PCDH7: variants seen among roughly 807,000 people sequenced by gnomAD.
PCDH7 encodes the protein protocadherin 7.
A neutral mutation model predicts 58.9 loss-of-function variants in PCDH7; 17 were observed. The observed-to-expected ratio is 0.29, with a 90% CI of 0.20 to 0.43. The LOEUF is 0.43. Among genes scored for constraint, PCDH7 ranks in the 20% least tolerant of loss-of-function variants. The probability of loss-of-function intolerance (pLI) is 1.00; values close to 1 mark genes in which losing one functional copy is unlikely to be tolerated. For synonymous variants in PCDH7, 664 were observed against 616.4 expected (o/e 1.08, Z -1.14); for missense variants, 1,274 against 1,441.0 (o/e 0.88, Z 1.88).
At chr4:31,129,122 G>A (rs978422485) in intron 3 of PCDH7, among the ~76,000 whole-genome samples, 6 of 152,156 alleles carry the variant, frequency 3.9e-5, no homozygotes, top group Admixed American at 2.6e-4. Flanking sequence ...CATGGGACTG[G>A]AATGGTCCTA....
chr4:30,975,772 ACT>A (rs1750014171), intron 3 of PCDH7, among the ~76,000 whole-genome samples: 1 of 152,096 alleles, frequency 6.6e-6, no homozygotes, highest in South Asian at 2.1e-4. Flanking sequence ...ATCAATACTT[ACT>A]CTCTATGAAT....
At position 30,731,038 on chromosome 4, in the gene PCDH7, AT is replaced by A. The variant is rs1190795424; in HGVS notation, c.*252del. On this transcript the variant is annotated 3_prime_UTR_variant, in exon 2 of 2. Coordinates refer to ENST00000361762, the Ensembl canonical transcript of PCDH7. ...GGATGTCTGAGTCACCAGAAATTCC[AT>A]TCTTAAAGAGGCGGTTAGCACCTAT... 4.9e-4 allele frequency: 586 copies of A among 1,198,724 alleles called. No homozygotes were observed. The Middle Eastern group carries it at 6.4e-3, about 13-fold the overall frequency. 74.3% of individuals were successfully genotyped at this position (1,198,724 alleles called of 1,614,324 possible). A position where few individuals can be genotyped will look rare whatever the true frequency, so the allele number is the denominator to read the frequency against.
chr4:31,107,982 A>T (rs1328853780), intron 3 of PCDH7, among the ~76,000 whole-genome samples: 1 of 152,182 alleles, frequency 6.6e-6, no homozygotes, highest in Non-Finnish European at 1.5e-5. Context: ...TAGTAACAAA[A>T]TGAACCAACA....
chr4:31,040,783 AT>A (rs1455499428), intron 3 of PCDH7, among the ~76,000 whole-genome samples: 2 of 152,182 alleles, frequency 1.3e-5, no homozygotes, highest in Non-Finnish European at 2.9e-5. Context: ...ATTTTCCCAG[AT>A]AAATCCCCTC....
At chr4:31,036,178 A>G (rs1308930188) in intron 3 of PCDH7, among the ~76,000 whole-genome samples, 1 of 152,072 alleles carries the variant, frequency 6.6e-6, no homozygotes, top group Non-Finnish European at 1.5e-5. Context: ...GAAACTGAGA[A>G]ATTGTAGTTC....
chr4:30,981,546 A>G (rs1750569464), intron 3 of PCDH7, among the ~76,000 whole-genome samples: 2 of 152,200 alleles, frequency 1.3e-5, no homozygotes, highest in Admixed American at 1.3e-4. Flanking sequence ...GTTGAAGCAA[A>G]TATTTTATTA....
downstream of PCDH7, among the ~76,000 whole-genome samples, chr4:30,734,178 T>C (rs1200862883): frequency 6.6e-6 from 1 of 152,134 alleles, no homozygotes. Flanking sequence ...AACACTTTCT[T>C]TGATGTGCGT....
At chr4:30,792,494 A>T (rs1724250097) in intron 1 of PCDH7, among the ~76,000 whole-genome samples, 1 of 152,208 alleles carries the variant, frequency 6.6e-6, no homozygotes, top group Non-Finnish European at 1.5e-5. Flanking sequence ...ATGGATGTTA[A>T]TATCACCATA....
intron 3 of PCDH7, among the ~76,000 whole-genome samples, chr4:31,004,217 G>A (rs1258384335): frequency 1.3e-5 from 2 of 152,020 alleles, no homozygotes; most frequent in Non-Finnish European, 2.9e-5. Flanking sequence ...TATATCCCAC[G>A]TGCCGCTTTC....
chr4:30,963,118 C>A (rs1026585339), intron 3 of PCDH7, among the ~76,000 whole-genome samples: 1 of 152,168 alleles, frequency 6.6e-6, no homozygotes, highest in African/African-American at 2.4e-5. Context: ...CAAACCTTGG[C>A]TAATAGTAAC....
intron 1 of PCDH7, among the ~76,000 whole-genome samples, chr4:30,891,078 C>T (rs920197780): frequency 2.6e-5 from 4 of 152,040 alleles, no homozygotes; most frequent in Admixed American, 2.0e-4. Context: ...ATTTTTATCA[C>T]CTTCTCTTGC....
intron 1 of PCDH7, among the ~76,000 whole-genome samples, chr4:30,855,146 C>T (rs868662093): frequency 6.6e-6 from 1 of 152,102 alleles, no homozygotes; most frequent in Non-Finnish European, 1.5e-5. Flanking sequence ...GGACAGGAAG[C>T]CACACATTGG....
At chr4:30,975,075 C>T (rs1376351436) in intron 3 of PCDH7, among the ~76,000 whole-genome samples, 1 of 151,798 alleles carries the variant, frequency 6.6e-6, no homozygotes, top group Non-Finnish European at 1.5e-5. Context: ...GAGACAGTCC[C>T]CCTGAGGAGG....
intron 3 of PCDH7, among the ~76,000 whole-genome samples, chr4:31,103,290 T>TATTC (rs1032266169): frequency 6.6e-6 from 1 of 152,084 alleles, no homozygotes; most frequent in Non-Finnish European, 1.5e-5. Flanking sequence ...TTTATTTATT[T>TATTC]ACAAGGCATA....
At chr4:30,896,754 A>G (rs1388298766) in intron 1 of PCDH7, among the ~76,000 whole-genome samples, 1 of 151,866 alleles carries the variant, frequency 6.6e-6, no homozygotes, top group Non-Finnish European at 1.5e-5. Flanking sequence ...CTTCTTTCGT[A>G]TATTACTTTT....
chr4:30,965,699 CA>C (rs1355071497), intron 3 of PCDH7, among the ~76,000 whole-genome samples: 1 of 151,976 alleles, frequency 6.6e-6, no homozygotes, highest in Non-Finnish European at 1.5e-5. Context: ...AAAAAGAGTA[CA>C]AAACTTGTCA....
At chr4:31,027,968 C>A (rs1224016751) in intron 3 of PCDH7, among the ~76,000 whole-genome samples, 2 of 152,096 alleles carry the variant, frequency 1.3e-5, no homozygotes, top group African/African-American at 4.8e-5. Context: ...ATTAAATTAG[C>A]CAATTGAATT....
At chr4:31,072,682 C>G (rs189315967) in intron 3 of PCDH7, among the ~76,000 whole-genome samples, 3 of 152,142 alleles carry the variant, frequency 2.0e-5, no homozygotes, top group African/African-American at 4.8e-5. Context: ...TGTGTTATCT[C>G]AATCACATTA....
chr4:30,933,580 A>T (rs1744956423), intron 2 of PCDH7, among the ~76,000 whole-genome samples: 1 of 152,144 alleles, frequency 6.6e-6, no homozygotes. Flanking sequence ...TTTCAATAAT[A>T]GCTTTAGGCC....
Sources: allele counts gnomAD v4.1 joint callset (sites outside exome capture counted in the v4.1 genomes callset), GRCh38; gene constraint gnomAD v4.1.1; transcripts MANE v1.5; gene names NCBI Gene and HGNC (gene_info 2026-07-23, HGNC 2026-07-21).